TRAM2: variants seen among roughly 807,000 people sequenced by gnomAD.
The protein encoded by TRAM2 is translocating chain-associated membrane protein 2.
A neutral mutation model predicts 51.0 loss-of-function variants in TRAM2; 12 were observed. The observed-to-expected ratio is 0.24, with a 90% confidence interval of 0.15 to 0.38. The LOEUF is 0.38. Ranked by LOEUF, TRAM2 falls within the 10% of genes least tolerant of loss-of-function variation. TRAM2 has a pLI of 1.00. For synonymous variants in TRAM2, 175 were observed against 179.4 expected (o/e 0.98, Z 0.20); for missense variants, 361 against 462.0 (o/e 0.78, Z 2.00).
intron 1 of TRAM2, among the ~76,000 whole-genome samples, chr6:52,568,295 A>G (rs1767623680): frequency 6.6e-6 from 1 of 152,044 alleles, no homozygotes; most frequent in Non-Finnish European, 1.5e-5. Flanking sequence ...ATCAACTACC[A>G]CCTGTTCCTT....
chr6:52,509,629 G>A, intron 4 of TRAM2, 43 bp from the exon 5 acceptor site: 2 of 1,601,508 alleles, frequency 1.2e-6, no homozygotes, highest in Non-Finnish European at 1.7e-6. Flanking sequence ...ATGTGGACGT[G>A]AGACCTGCTG....
At chr6:52,554,245 C>G (rs999660861) in intron 1 of TRAM2, among the ~76,000 whole-genome samples, 3 of 152,092 alleles carry the variant, frequency 2.0e-5, no homozygotes, top group Admixed American at 2.0e-4. Flanking sequence ...CCAAAGTGGG[C>G]CAGGCGCGGT....
chr6:52,537,469 C>T (rs1023907491), intron 1 of TRAM2, among the ~76,000 whole-genome samples: 1 of 152,112 alleles, frequency 6.6e-6, no homozygotes. Context: ...CCTACCTTTC[C>T]TATACCCACC....
At chr6:52,517,239 T>G (rs1766568140) in intron 2 of TRAM2, 1 of 153,194 alleles carries the variant, frequency 6.5e-6, no homozygotes, top group Non-Finnish European at 1.5e-5. Context: ...CCCAGGGGTA[T>G]CTCCATGTGT....
At chr6:52,530,738 C>T (rs1007727616) in intron 2 of TRAM2, among the ~76,000 whole-genome samples, 3 of 152,154 alleles carry the variant, frequency 2.0e-5, no homozygotes, top group Admixed American at 1.3e-4. Context: ...CTGCTGGCCC[C>T]GTGGTCTCGG....
In TRAM2 at chr6:52,571,264, A is replaced by C. The variant is rs914952060; in HGVS notation, c.120+5532T>G. Among the ~76,000 whole-genome samples, 10 of 152,336 alleles carry C rather than the reference A, an allele frequency of 6.6e-5. 1 individual carries two copies. In the South Asian group the frequency reaches 2.1e-3, roughly 32 times the overall value. Reference sequence around the variant, plus strand: ...TCAACCCTCTGGCTTTGCCATTTATAAGGGTAGGAATGAGAGGTACATCAG... The same window carrying C: ...TCAACCCTCTGGCTTTGCCATTTATCAGGGTAGGAATGAGAGGTACATCAG... On this transcript the variant is annotated intron_variant, in intron 1 of 10. Coordinates refer to ENST00000182527, the MANE Select transcript of TRAM2 (RefSeq NM_012288.4).
intron 7 of TRAM2, among the ~76,000 whole-genome samples, chr6:52,507,151 A>G (rs1202158217): frequency 6.6e-6 from 1 of 152,198 alleles, no homozygotes; most frequent in Non-Finnish European, 1.5e-5. Context: ...CAGGGCTACG[A>G]GCTCTAGCAG....
At chr6:52,556,927 CAAAA>C (rs11291654) in intron 1 of TRAM2, among the ~76,000 whole-genome samples, 1 of 122,960 alleles carries the variant, frequency 8.1e-6, no homozygotes. Context: ...GACTCCATCT[CAAAA>C]AAAAAAAAAA....
intron 1 of TRAM2, among the ~76,000 whole-genome samples, chr6:52,539,410 G>C (rs1035260914): frequency 2.0e-5 from 3 of 152,118 alleles, no homozygotes; most frequent in African/African-American, 7.2e-5. Context: ...CAGCAAGTAA[G>C]CGAATTTGCA....
chr6:52,525,165 G>C (rs769063400), intron 2 of TRAM2: 1 of 152,292 alleles, frequency 6.6e-6, no homozygotes, highest in Non-Finnish European at 1.5e-5. Flanking sequence ...CCAGGACTCA[G>C]CTGTGCTACT....
chr6:52,517,995 C>T (rs1159321404), intron 2 of TRAM2, among the ~76,000 whole-genome samples: 1 of 152,172 alleles, frequency 6.6e-6, no homozygotes, highest in African/African-American at 2.4e-5. Context: ...CCACAAAGAC[C>T]TATTCTGTGA....
chr6:52,561,243 G>A (rs1302064266), intron 1 of TRAM2, among the ~76,000 whole-genome samples: 1 of 152,162 alleles, frequency 6.6e-6, no homozygotes, highest in Non-Finnish European at 1.5e-5. Context: ...ATTAAGGTGG[G>A]ATGGGGAGCA....
At chr6:52,544,899 T>G (rs1431425889) in intron 1 of TRAM2, among the ~76,000 whole-genome samples, 1 of 152,136 alleles carries the variant, frequency 6.6e-6, no homozygotes, top group Non-Finnish European at 1.5e-5. Context: ...CTCCCCACAC[T>G]TTGCCACAAA....
At position 52,557,192 on chromosome 6, in the gene TRAM2, C is replaced by CAAAAAAA. The variant is rs371429027; in HGVS notation, c.120+19597_120+19603dup. ...TGGGAGACAAAGCAAAACTCTGTCT[C>CAAAAAAA]AAAAAAAAAAGATATGTCTGGTGAG... On this transcript the variant is annotated intron_variant, in intron 1 of 10. Transcript: ENST00000182527. 1.2e-4 allele frequency among the ~76,000 whole-genome samples: 17 copies of CAAAAAAA among 140,154 alleles called. 2 individuals are homozygous for CAAAAAAA. The highest frequency in any genetic ancestry group is 2.0e-4 in the East Asian group (1 of 4,910). 91.9% of individuals were successfully genotyped at this position (140,154 alleles called of 152,430 possible).
At chr6:52,539,654 C>A (rs1264473687) in intron 1 of TRAM2, among the ~76,000 whole-genome samples, 1 of 152,120 alleles carries the variant, frequency 6.6e-6, no homozygotes, top group Non-Finnish European at 1.5e-5. Context: ...ATCTGACCTG[C>A]CTTGATGATC....
chr6:52,497,570 T>TC lies in TRAM2; in HGVS notation c.*5626dup, dbSNP rs1006755477. ...TTCACCAAAAGCAAAAAGACACCCC[T>TC]CCCCCCAACCCTTTTTTACATGAAA... On this transcript the variant is annotated 3_prime_UTR_variant, in exon 11 of 11. Coordinates refer to ENST00000182527, the MANE Select transcript of TRAM2 (RefSeq NM_012288.4). 8.1e-5 allele frequency: 12 copies of TC among 148,988 alleles called. No individual in the cohort carries two copies. Among genetic ancestry groups the TC allele is most frequent in the African/African-American group, 3.0e-4 (12 of 39,684 alleles). 9.2% of individuals were successfully genotyped at this position (148,988 alleles called of 1,614,324 possible). A position where few individuals can be genotyped will look rare whatever the true frequency, so the allele number is the denominator to read the frequency against.
intron 9 of TRAM2, 78 bp from the exon 10 acceptor site, chr6:52,504,832 G>T: frequency 7.2e-7 from 1 of 1,383,486 alleles, no homozygotes; most frequent in Non-Finnish European, 9.8e-7. Flanking sequence ...GGGAGAACAA[G>T]GGCCAGGGGC....
chr6:52,511,247 A>G (rs1987789), intron 4 of TRAM2, among the ~76,000 whole-genome samples: 117,016 of 152,146 alleles, frequency 0.77, 45,112 homozygotes, highest in East Asian at 0.86. Flanking sequence ...TGGGATTACA[A>G]GCACGCAACA....
chr6:52,508,394 G>A (rs1562475441), intron 5 of TRAM2, 76 bp from the exon 6 acceptor site: 16 of 1,393,292 alleles, frequency 1.1e-5, no homozygotes, highest in Non-Finnish European at 1.6e-5. Context: ...GCACAGGAGG[G>A]AAAAGCATGG....
Sources: gnomAD v4.1 joint callset for allele counts (sites outside exome capture counted in the v4.1 genomes callset) on GRCh38, gnomAD v4.1.1 for gene constraint, MANE v1.5 for transcripts, NCBI Gene and HGNC (gene_info 2026-07-23, HGNC 2026-07-21) for gene names.